CSMD1: variants seen among roughly 807,000 people sequenced by gnomAD.
CSMD1 encodes the protein CUB and Sushi multiple domains 1.
In CSMD1, 213 loss-of-function variants were observed where a neutral mutation model predicts 417.5. The ratio of observed to expected loss-of-function variants is 0.51; its 90% CI spans 0.46 to 0.57. The LOEUF is 0.57. CSMD1 is among the 20% of genes least tolerant of loss of function. The pLI is 0.00. For missense variants in CSMD1, 6,923 were observed against 4,529.7 expected (o/e 1.53, Z -15.17); for synonymous variants, 2,862 against 1,736.8 (o/e 1.65, Z -16.11).
chr8:4,302,331 A>G (rs1563417505), intron 3 of CSMD1, among the ~76,000 whole-genome samples: 1 of 152,222 alleles, frequency 6.6e-6, no homozygotes. Flanking sequence ...TGTAAAAATA[A>G]TAACAATAAT....
chr8:3,896,224 G>C (rs1807352726), intron 5 of CSMD1, among the ~76,000 whole-genome samples: 1 of 152,078 alleles, frequency 6.6e-6, no homozygotes, highest in African/African-American at 2.4e-5. Context: ...TCTATAGCCT[G>C]GTTGCTGTCA....
At chr8:4,889,373 G>C (rs1563683509) in intron 1 of CSMD1, among the ~76,000 whole-genome samples, 1 of 152,112 alleles carries the variant, frequency 6.6e-6, no homozygotes, top group Non-Finnish European at 1.5e-5. Flanking sequence ...GAAAGATAAG[G>C]AAGACTGAGA....
At chr8:4,180,544 T>A (rs1025099612) in intron 3 of CSMD1, among the ~76,000 whole-genome samples, 2 of 151,592 alleles carry the variant, frequency 1.3e-5, no homozygotes, top group African/African-American at 2.4e-5. Context: ...AACCTGCACA[T>A]TGTGCACATG....
At chr8:4,309,800 A>G (rs1460360249) in intron 3 of CSMD1, among the ~76,000 whole-genome samples, 1 of 152,116 alleles carries the variant, frequency 6.6e-6, no homozygotes, top group East Asian at 1.9e-4. Flanking sequence ...TCACCTCCAT[A>G]TAGGTCCCTT....
At chr8:4,463,384 A>G (rs532733298) in intron 2 of CSMD1, among the ~76,000 whole-genome samples, 4 of 152,366 alleles carry the variant, frequency 2.6e-5, no homozygotes, top group Admixed American at 6.5e-5. Context: ...GAAGTTCGAC[A>G]TAACATTGCC....
At chr8:4,092,730 T>C (rs1251704272) in intron 3 of CSMD1, among the ~76,000 whole-genome samples, 1 of 152,196 alleles carries the variant, frequency 6.6e-6, no homozygotes, top group Non-Finnish European at 1.5e-5. Context: ...GACAACTTTT[T>C]AACTTCCACA....
intron 10 of CSMD1, among the ~76,000 whole-genome samples, chr8:3,518,756 T>G (rs1218125046): frequency 6.6e-6 from 1 of 152,128 alleles, no homozygotes; most frequent in Non-Finnish European, 1.5e-5. Context: ...GAACAGTTCA[T>G]TACATGCTCT....
chr8:4,647,023 C>T (rs556753438), intron 1 of CSMD1, among the ~76,000 whole-genome samples: 1 of 152,236 alleles, frequency 6.6e-6, no homozygotes, highest in South Asian at 2.1e-4. Flanking sequence ...CTGACACGGC[C>T]CTCCTCTAGG....
chr8:4,051,230 G>T (rs1225502917), intron 3 of CSMD1, among the ~76,000 whole-genome samples: 9 of 151,496 alleles, frequency 5.9e-5, no homozygotes, highest in Admixed American at 5.9e-4. Context: ...CAGGCCTGTG[G>T]GAACAATGCC....
At chr8:4,297,860 C>T (rs546127585) in intron 3 of CSMD1, among the ~76,000 whole-genome samples, 9 of 151,976 alleles carry the variant, frequency 5.9e-5, no homozygotes, top group Non-Finnish European at 1.3e-4. Flanking sequence ...TGCTGGTGGT[C>T]CTGCACTTTA....
intron 3 of CSMD1, among the ~76,000 whole-genome samples, chr8:4,278,770 C>T (rs990682448): frequency 2.6e-5 from 4 of 152,094 alleles, no homozygotes; most frequent in Admixed American, 2.6e-4. Context: ...AACAAAGAGC[C>T]AAGTGTGATT....
rs1232152935 is a variant in CSMD1 at position 3,957,952 on chromosome 8, A to T, written c.818+39951T>A. On this transcript the variant is annotated intron_variant, in intron 5 of 69. Coordinates refer to ENST00000635120, the MANE Select transcript of CSMD1 (RefSeq NM_033225.6). ...CAGGGCAGCAAATCCTGCAGGGTAT[A>T]AAATATTTGAAAATATTTTTACTTT... Among the ~76,000 whole-genome samples, 4 of 152,174 alleles carry T rather than the reference A, an allele frequency of 2.6e-5. No homozygotes were observed. In the East Asian group the frequency reaches 7.7e-4, roughly 29 times the overall value.
At position 4,685,328 on chromosome 8, in the gene CSMD1, C is replaced by T. The variant is rs376679777; in HGVS notation, c.86-47770G>A. 6.6e-5 allele frequency among the ~76,000 whole-genome samples: 10 copies of T among 152,230 alleles called. No individual in the cohort carries two copies. In the East Asian group the frequency reaches 1.9e-3, roughly 29 times the overall value. ...TTGGCTCATGCCTGTAATCCCAGCA[C>T]TTTGGGAGGCTGAGGCAGGCAGATC... On this transcript the variant is annotated intron_variant, in intron 1 of 69. Transcript: ENST00000635120.
chr8:4,659,365 A>T (rs1804440184), intron 1 of CSMD1, among the ~76,000 whole-genome samples: 1 of 152,192 alleles, frequency 6.6e-6, no homozygotes, highest in Non-Finnish European at 1.5e-5. Context: ...TATTAAAAAG[A>T]TTAGAGCAGA....
chr8:3,647,540 T>C (rs913836843), intron 7 of CSMD1, among the ~76,000 whole-genome samples: 2 of 152,034 alleles, frequency 1.3e-5, no homozygotes, highest in African/African-American at 2.4e-5. Flanking sequence ...AAATATAGTA[T>C]AGAGACAAAT....
chr8:3,981,834 G>C (rs540069558), intron 5 of CSMD1, among the ~76,000 whole-genome samples: 1 of 152,154 alleles, frequency 6.6e-6, no homozygotes, highest in Admixed American at 6.5e-5. Context: ...GAGTCAGCAG[G>C]AGGGCGTGCA....
chr8:3,633,195 C>A (rs1209396670), intron 7 of CSMD1, among the ~76,000 whole-genome samples: 1 of 152,186 alleles, frequency 6.6e-6, no homozygotes, highest in Non-Finnish European at 1.5e-5. Context: ...CCTTTTCTCA[C>A]AGAACTCAAA....
intron 3 of CSMD1, among the ~76,000 whole-genome samples, chr8:4,051,866 T>TTCCTTTCTTTCTC (rs1554428989): frequency 2.3e-4 from 28 of 119,798 alleles, no homozygotes; most frequent in African/African-American, 5.5e-4. Flanking sequence ...CTTTCTTTCT[T>TTCCTTTCTTTCTC]TCCTTCCTCC....
intron 49 of CSMD1, among the ~76,000 whole-genome samples, chr8:3,055,655 C>T (rs1372202012): frequency 6.6e-6 from 1 of 152,174 alleles, no homozygotes; most frequent in Non-Finnish European, 1.5e-5. Context: ...TGGAGAATTT[C>T]CTTACATTTG....
Sources: gnomAD v4.1 joint callset for allele counts (sites outside exome capture counted in the v4.1 genomes callset) on GRCh38, gnomAD v4.1.1 for gene constraint, MANE v1.5 for transcripts, NCBI Gene and HGNC (gene_info 2026-07-23, HGNC 2026-07-21) for gene names.